The following COX7B2 variants were observed in gnomAD, a reference collection of about 807,000 sequenced individuals.
The protein encoded by COX7B2 is cytochrome c oxidase subunit 7B2, also known as cytochrome c oxidase subunit 7B2, mitochondrial.
For missense variants in COX7B2, 109 were observed against 95.9 expected (o/e 1.14, Z -0.57); for synonymous variants, 37 against 32.1 (o/e 1.15, Z -0.51).
chr4:46,828,419 G>A (rs534875988), intron 2 of COX7B2, among the ~76,000 whole-genome samples: 1 of 152,276 alleles, frequency 6.6e-6, no homozygotes, highest in East Asian at 1.9e-4. Context: ...AACACCAAAT[G>A]TTAGAAAGTA....
At chr4:46,817,913 A>C (rs1348326005) in intron 2 of COX7B2, among the ~76,000 whole-genome samples, 1 of 152,236 alleles carries the variant, frequency 6.6e-6, no homozygotes, top group African/African-American at 2.4e-5. Context: ...TGTTTGAATA[A>C]ATCTTTGAAC....
intron 2 of COX7B2, among the ~76,000 whole-genome samples, chr4:46,826,177 G>A (rs1453617099): frequency 6.6e-6 from 1 of 151,802 alleles, no homozygotes; most frequent in Admixed American, 6.6e-5. Flanking sequence ...AAATTTACAA[G>A]AGAAAAACAA....
chr4:46,873,189 A>G (rs1718106694), intron 1 of COX7B2, among the ~76,000 whole-genome samples: 1 of 152,126 alleles, frequency 6.6e-6, no homozygotes, highest in Non-Finnish European at 1.5e-5. Context: ...TCTATGGTGT[A>G]TATGTGCCCA....
At chr4:46,866,870 T>C (rs555574736) in intron 1 of COX7B2, among the ~76,000 whole-genome samples, 40 of 152,310 alleles carry the variant, frequency 2.6e-4, no homozygotes, top group African/African-American at 9.1e-4. Context: ...TCTGGACAAG[T>C]TGAGTTTAAC....
intron 1 of COX7B2, among the ~76,000 whole-genome samples, chr4:46,870,346 G>A (rs1336160590): frequency 6.6e-6 from 1 of 151,458 alleles, no homozygotes; most frequent in Non-Finnish European, 1.5e-5. Context: ...TCAAAATAAG[G>A]AGGCATCTAT....
intron 1 of COX7B2, among the ~76,000 whole-genome samples, chr4:46,883,928 T>A (rs1718905733): frequency 6.6e-6 from 1 of 152,188 alleles, no homozygotes; most frequent in Non-Finnish European, 1.5e-5. Flanking sequence ...GTCTGGAGAA[T>A]CCTTTGTAGG....
At chr4:46,907,260 T>C (rs1164593046) in intron 1 of COX7B2, among the ~76,000 whole-genome samples, 1 of 152,202 alleles carries the variant, frequency 6.6e-6, no homozygotes, top group East Asian at 1.9e-4. Flanking sequence ...TCATTTTCTA[T>C]GTCATTTCTC....
At chr4:46,807,245 T>C (rs1261025242) in intron 2 of COX7B2, among the ~76,000 whole-genome samples, 8 of 152,064 alleles carry the variant, frequency 5.3e-5, no homozygotes, top group South Asian at 2.1e-4. Flanking sequence ...GTGGTGTCAA[T>C]TTTCATTTTC....
intron 2 of COX7B2, among the ~76,000 whole-genome samples, chr4:46,783,195 C>T (rs1717576053): frequency 2.0e-5 from 3 of 152,208 alleles, no homozygotes; most frequent in Admixed American, 2.0e-4. Flanking sequence ...TATTGCAACA[C>T]TGTTTAGAAC....
At chr4:46,850,699 T>C (rs1716618345) in intron 1 of COX7B2, among the ~76,000 whole-genome samples, 1 of 152,226 alleles carries the variant, frequency 6.6e-6, no homozygotes, top group African/African-American at 2.4e-5. Flanking sequence ...CACAGTATTA[T>C]ATAAGCGACA....
chr4:46,767,543 G>A (rs1206709760), intron 2 of COX7B2, among the ~76,000 whole-genome samples: 1 of 152,076 alleles, frequency 6.6e-6, no homozygotes, highest in Non-Finnish European at 1.5e-5. Context: ...TCCAAGAGCA[G>A]AATATACATT....
At chr4:46,788,967 C>T (rs1247890620) in intron 2 of COX7B2, among the ~76,000 whole-genome samples, 1 of 152,150 alleles carries the variant, frequency 6.6e-6, no homozygotes, top group African/African-American at 2.4e-5. Flanking sequence ...GGCCTGTTTC[C>T]TAAAATATCT....
intron 2 of COX7B2, among the ~76,000 whole-genome samples, chr4:46,797,616 G>C (rs899866986): frequency 1.3e-5 from 2 of 152,136 alleles, no homozygotes; most frequent in Non-Finnish European, 2.9e-5. Context: ...CCACTTTCCC[G>C]GAAGGGCTGC....
chr4:46,736,115 C>T (rs949101113), intron 2 of COX7B2, among the ~76,000 whole-genome samples: 3 of 152,184 alleles, frequency 2.0e-5, no homozygotes, highest in Non-Finnish European at 4.4e-5. Context: ...ATGTATCCAT[C>T]ATTTTAGTAT....
intron 2 of COX7B2, among the ~76,000 whole-genome samples, chr4:46,814,503 C>T (rs888450631): frequency 6.6e-6 from 1 of 151,798 alleles, no homozygotes; most frequent in African/African-American, 2.4e-5. Flanking sequence ...ACATTTATAG[C>T]CAAAAGAAAA....
At chr4:46,759,867 T>TATATAAGTC (rs1716037410) in intron 2 of COX7B2, among the ~76,000 whole-genome samples, 1 of 150,016 alleles carries the variant, frequency 6.7e-6, no homozygotes, top group African/African-American at 2.5e-5. Flanking sequence ...TTATATAAGT[T>TATATAAGTC]ATATAAGTCA....
intron 2 of COX7B2, among the ~76,000 whole-genome samples, chr4:46,806,051 A>G (rs560298877): frequency 1.3e-5 from 2 of 152,252 alleles, no homozygotes; most frequent in South Asian, 4.1e-4. Context: ...TGTCCTTGTA[A>G]TTGCCTCATA....
At chr4:46,769,783 G>C (rs1164458650) in intron 2 of COX7B2, among the ~76,000 whole-genome samples, 2 of 152,024 alleles carry the variant, frequency 1.3e-5, no homozygotes, top group African/African-American at 4.8e-5. Flanking sequence ...AAAAAATTTT[G>C]ACAAATTTCA....
intron 2 of COX7B2, among the ~76,000 whole-genome samples, chr4:46,765,298 G>T (rs937346339): frequency 1.3e-5 from 2 of 149,364 alleles, no homozygotes; most frequent in African/African-American, 2.5e-5. Context: ...AGCCTGTACA[G>T]CATGGAGAGA....
Sources: allele counts gnomAD v4.1 joint callset (sites outside exome capture counted in the v4.1 genomes callset), GRCh38; gene constraint gnomAD v4.1.1; transcripts MANE v1.5; gene names NCBI Gene and HGNC (gene_info 2026-07-23, HGNC 2026-07-21).